AMMECR1: variants seen among roughly 807,000 people sequenced by gnomAD.
The protein encoded by AMMECR1 is nuclear protein AMMECR1.
AMMECR1 carries 3 observed loss-of-function variants against 22.5 expected under a neutral mutation model. The ratio of observed to expected loss-of-function variants is 0.13; its 90% CI spans 0.06 to 0.35. AMMECR1 has a LOEUF of 0.35. Among genes scored for constraint, AMMECR1 ranks in the 10% least tolerant of loss-of-function variants. The pLI, the probability that AMMECR1 is intolerant of heterozygous loss-of-function variation, is 1.00. For missense variants in AMMECR1, 235 were observed against 278.7 expected (o/e 0.84, Z 1.12); for synonymous variants, 130 against 116.7 (o/e 1.11, Z -0.74).
chrX:110,277,431 T>A (rs1230220484), intron 1 of AMMECR1, among the ~76,000 whole-genome samples: 1 of 21,791 alleles, frequency 4.6e-5, no homozygotes, highest in Non-Finnish European at 9.0e-5. Context: ...GGTGGGGGGC[T>A]GGGGGAGGGA....
chrX:110,302,911 A>G lies in AMMECR1; in HGVS notation c.473+14688T>C, dbSNP rs190059787. Among the ~76,000 whole-genome samples the G allele has an allele frequency of 3.8e-3, 421 of 110,945 alleles. 3 individuals carry two copies. The highest frequency in any genetic ancestry group is 0.012 in the African/African-American group (380 of 30,528). ...TAAACAAATCAAAAAACAAAAAAAA[A>G]AGAGAGAGAGAGATTGACTGATTTT... is the stretch of plus-strand genomic sequence containing the variant. On this transcript the variant is annotated intron_variant, in intron 1 of 5. Coordinates refer to ENST00000262844, the MANE Select transcript of AMMECR1 (RefSeq NM_015365.3).
chrX:110,307,227 T>C (rs2068000605), intron 1 of AMMECR1: 2 of 99,977 alleles, frequency 2.0e-5, no homozygotes, highest in South Asian at 9.4e-4. Context: ...GCCTGGGTGA[T>C]GGAGCAAGAT....
At chrX:110,343,182 T>C (rs893002268) in intron 2 of AMMECR1, among the ~76,000 whole-genome samples, 1 of 111,723 alleles carries the variant, frequency 9.0e-6, no homozygotes, top group Non-Finnish European at 1.9e-5. Context: ...GCAAGGATGG[T>C]TCAACATACG....
At chrX:110,266,462 G>A (rs1354599065) in intron 1 of AMMECR1, among the ~76,000 whole-genome samples, 2 of 110,795 alleles carry the variant, frequency 1.8e-5, no homozygotes, top group African/African-American at 3.3e-5. Context: ...AGCTCACTGC[G>A]ACCTCCGTCA....
intron 2 of AMMECR1, among the ~76,000 whole-genome samples, chrX:110,333,311 C>T (rs891925948): frequency 1.8e-5 from 2 of 111,400 alleles, no homozygotes; most frequent in Non-Finnish European, 3.8e-5. Flanking sequence ...GAATGGCGAT[C>T]ATTAAAAAGT....
chrX:110,229,998 C>T (rs2067555207), intron 2 of AMMECR1, among the ~76,000 whole-genome samples: 1 of 112,937 alleles, frequency 8.9e-6, no homozygotes, highest in Non-Finnish European at 1.9e-5. Context: ...AACAAAGCAG[C>T]CAGGAAGCTC....
intron 2 of AMMECR1, among the ~76,000 whole-genome samples, chrX:110,336,341 T>C (rs867921685): frequency 1.3e-4 from 14 of 110,702 alleles, no homozygotes; most frequent in African/African-American, 3.6e-4. Context: ...ATGAGATGAT[T>C]TTAGGTACTC....
intron 2 of AMMECR1, among the ~76,000 whole-genome samples, chrX:110,410,246 G>C (rs2068632859): frequency 9.0e-6 from 1 of 111,470 alleles, no homozygotes; most frequent in African/African-American, 3.3e-5. Context: ...ATTAGTGTGG[G>C]AAGAAGGACC....
intron 1 of AMMECR1, among the ~76,000 whole-genome samples, chrX:110,265,225 A>T (rs989645236): frequency 4.5e-5 from 5 of 111,660 alleles, no homozygotes; most frequent in Non-Finnish European, 7.5e-5. Context: ...AGATACTATA[A>T]ACCATGTCCA....
intron 2 of AMMECR1, chrX:110,219,241 C>T (rs769458702): frequency 3.2e-5 from 13 of 401,608 alleles, no homozygotes; most frequent in South Asian, 1.3e-4. Flanking sequence ...AATGGCTGCA[C>T]GATTCTACTT....
chrX:110,404,450 C>G (rs967347856), intron 2 of AMMECR1, among the ~76,000 whole-genome samples: 1 of 111,758 alleles, frequency 8.9e-6, no homozygotes, highest in South Asian at 3.8e-4. Flanking sequence ...AAAATACACT[C>G]GCAGGACAAA....
In AMMECR1 at chrX:110,340,281, T is replaced by C. The variant is rs766580422; in HGVS notation, c.-147-22432A>G. Among the ~76,000 whole-genome samples, 123 of 111,959 alleles carry C rather than the reference T, an allele frequency of 1.1e-3. 4 individuals are homozygous for C. Among genetic ancestry groups the C allele is most frequent in the Non-Finnish European group, 1.0e-3 (55 of 53,214 alleles). On this transcript the variant is annotated intron_variant, in intron 2 of 7. Transcript: ENST00000372057. ...TAAACACTCAATAAATGATAGCTATTATTGTTATAAGTGTAGGTAGTGAAT... is the reference window on the plus strand; with the variant it reads ...TAAACACTCAATAAATGATAGCTATCATTGTTATAAGTGTAGGTAGTGAAT...
intron 2 of AMMECR1, among the ~76,000 whole-genome samples, chrX:110,252,608 C>T (rs1458091526): frequency 8.9e-6 from 1 of 111,923 alleles, no homozygotes; most frequent in African/African-American, 3.3e-5. Context: ...AAACTAGCCA[C>T]AATAAGACCA....
intron 1 of AMMECR1, among the ~76,000 whole-genome samples, chrX:110,277,330 C>G (rs1358799803): frequency 9.3e-6 from 1 of 107,591 alleles, no homozygotes; most frequent in Admixed American, 1.0e-4. Context: ...AACCAAACAC[C>G]GCATGTTCTC....
intron 2 of AMMECR1, chrX:110,347,019 C>T: frequency 2.2e-6 from 1 of 462,931 alleles, no homozygotes; most frequent in Non-Finnish European, 4.0e-6. Flanking sequence ...TCAGGAATAC[C>T]AGCATTCCTA....
intron 2 of AMMECR1, among the ~76,000 whole-genome samples, chrX:110,241,825 A>G (rs183468020): frequency 1.8e-5 from 2 of 112,194 alleles, no homozygotes; most frequent in Admixed American, 1.9e-4. Flanking sequence ...CCAAAACAAC[A>G]GCTAAAATTC....
intron 2 of AMMECR1, among the ~76,000 whole-genome samples, chrX:110,381,333 T>C (rs1170816053): frequency 8.9e-6 from 1 of 111,966 alleles, no homozygotes; most frequent in African/African-American, 3.2e-5. Context: ...ATGCTCATCA[T>C]TACTAATCAT....
At chrX:110,263,746 C>A (rs1033560658) in intron 2 of AMMECR1, among the ~76,000 whole-genome samples, 1 of 111,553 alleles carries the variant, frequency 9.0e-6, no homozygotes, top group African/African-American at 3.2e-5. Flanking sequence ...CAGATAATCA[C>A]CCTAAAATGT....
At chrX:110,378,476 C>T (rs184085034) in intron 2 of AMMECR1, among the ~76,000 whole-genome samples, 1 of 111,835 alleles carries the variant, frequency 8.9e-6, no homozygotes, top group East Asian at 2.8e-4. Flanking sequence ...TTGAAGTTTC[C>T]CTTTTGCCTA....
Sources: allele counts gnomAD v4.1 joint callset (sites outside exome capture counted in the v4.1 genomes callset), GRCh38; gene constraint gnomAD v4.1.1; transcripts MANE v1.5; gene names NCBI Gene and HGNC (gene_info 2026-07-23, HGNC 2026-07-21).